The following UST variants were observed in gnomAD, a reference collection of about 807,000 sequenced individuals.
UST encodes the protein chondroitin sulfate 2-O-sulfotransferase.
Under a neutral mutation model 45.6 loss-of-function variants are expected in UST, and 21 were observed. The observed-to-expected ratio is 0.46, with a 90% CI of 0.33 to 0.66. The LOEUF (loss-of-function observed/expected upper bound fraction) is 0.66, where lower values mean the gene tolerates loss of function less well. Among genes scored for constraint, UST ranks in the 30% least tolerant of loss-of-function variants. UST has a pLI of 0.02. For synonymous variants in UST, 215 were observed against 200.6 expected, an observed-to-expected ratio of 1.07 and a Z score of -0.61; for missense variants, 463 against 512.4, an observed-to-expected ratio of 0.90 and a Z score of 0.93.
At chr6:148,945,400 G>T (rs2114928060) in intron 3 of UST, among the ~76,000 whole-genome samples, 1 of 152,288 alleles carries the variant, frequency 6.6e-6, no homozygotes, top group East Asian at 1.9e-4. Context: ...TCTCAGCAGA[G>T]CCTTTTAAAA....
At position 149,076,409 on chromosome 6, in the gene UST, A is replaced by G. The variant is rs1328260380; in HGVS notation, c.*2293A>G. On this transcript the variant is annotated 3_prime_UTR_variant, in exon 8 of 8. Coordinates refer to ENST00000367463, the MANE Select transcript of UST (RefSeq NM_005715.3). ...GACAATTGGTCGTTCAAAAACATTC[A>G]TCCTCTTACTGCAAGTTTATCTGGG... is the stretch of plus-strand genomic sequence containing the variant. 1.3e-5 allele frequency: 2 copies of G among 152,224 alleles called. No homozygotes were observed. The highest frequency in any genetic ancestry group is 2.9e-5 in the Non-Finnish European group (2 of 68,048). The allele number at this position is 152,224 out of a possible 1,614,324, so 9.4% of individuals were successfully genotyped here. A position where few individuals can be genotyped will look rare whatever the true frequency, so the allele number is the denominator to read the frequency against.
chr6:148,766,381 C>G (rs951070480), intron 1 of UST, among the ~76,000 whole-genome samples: 1 of 152,142 alleles, frequency 6.6e-6, no homozygotes, highest in Non-Finnish European at 1.5e-5. Flanking sequence ...CCCACTTGCT[C>G]TCACCCACGC....
intron 1 of UST, among the ~76,000 whole-genome samples, chr6:148,826,444 A>G (rs988413791): frequency 7.0e-6 from 1 of 143,852 alleles, no homozygotes; most frequent in African/African-American, 2.6e-5. Flanking sequence ...TTTTTTTTTT[A>G]AATGAATTAA....
rs866556189 is a variant in UST, at chr6:149,058,389, A to G, written c.938-15444A>G. Reference sequence around the variant, plus strand: ...TGTGTGTGTGTGTGTGTGTGTGTGTATGTGCGCGCGCGTGTGTCTGTGTGT... The same window carrying G: ...TGTGTGTGTGTGTGTGTGTGTGTGTGTGTGCGCGCGCGTGTGTCTGTGTGT... On this transcript the variant is annotated intron_variant, in intron 7 of 7. Transcript: ENST00000367463. Among the ~76,000 whole-genome samples the G allele has an allele frequency of 4.9e-3, 534 of 109,578 alleles. 1 individual carries two copies. The highest frequency in any genetic ancestry group is 0.013 in the African/African-American group (372 of 29,246). 71.9% of individuals were successfully genotyped at this position (109,578 alleles called of 152,430 possible). A position where few individuals can be genotyped will look rare whatever the true frequency, so the allele number is the denominator to read the frequency against.
At chr6:148,824,764 G>T (rs1452420756) in intron 1 of UST, among the ~76,000 whole-genome samples, 1 of 142,132 alleles carries the variant, frequency 7.0e-6, no homozygotes, top group East Asian at 2.1e-4. Flanking sequence ...GTGCCATGCT[G>T]GTGCGCTGCA....
At chr6:148,933,778 T>C (rs1162697946) in intron 2 of UST, among the ~76,000 whole-genome samples, 6 of 152,026 alleles carry the variant, frequency 3.9e-5, no homozygotes, top group Non-Finnish European at 7.4e-5. Flanking sequence ...GATCTCAAAA[T>C]GGGAAGCTTG....
chr6:149,032,923 A>G (rs1472989587), intron 7 of UST, among the ~76,000 whole-genome samples: 3 of 152,168 alleles, frequency 2.0e-5, no homozygotes, highest in Non-Finnish European at 4.4e-5. Flanking sequence ...AATCACTTCT[A>G]CTTTGAGCAG....
intron 1 of UST, among the ~76,000 whole-genome samples, chr6:148,786,798 G>T (rs9377159): frequency 0.75 from 114,072 of 152,130 alleles, 42,816 homozygotes; most frequent in Middle Eastern, 0.88. Context: ...CCTCTAGGTC[G>T]TTGAGGAGTC....
At position 148,747,554 on chromosome 6, in the gene UST, C is replaced by T; in HGVS notation, c.124C>T (p.Arg42Cys). The T allele has an allele frequency of 1.3e-6, 2 of 1,570,570 alleles. No homozygotes were observed. The highest frequency in any genetic ancestry group is 1.7e-6 in the Non-Finnish European group (2 of 1,160,046). ...TCGGGTGCCCCTGCTGCCTTTCCTG[C>T]GCTTCTCCCTCCGGGACTACGGCTT... ...KRRVPLLPFL[R>C]FSLRDYGFCM... Residue 42 changes from arginine (R) to cysteine (C), a missense_variant, in exon 1 of 8, where the codon CGC (arginine) becomes TGC (cysteine). Coordinates refer to ENST00000367463, the MANE Select transcript of UST (RefSeq NM_005715.3).
At chr6:148,808,261 C>T (rs1478592281) in intron 1 of UST, among the ~76,000 whole-genome samples, 1 of 152,212 alleles carries the variant, frequency 6.6e-6, no homozygotes, top group Non-Finnish European at 1.5e-5. Context: ...TACCCAGTCA[C>T]TTATGTTCTG....
chr6:149,054,909 C>A (rs56358125), intron 7 of UST, among the ~76,000 whole-genome samples: 37,074 of 151,976 alleles, frequency 0.24, 4,704 homozygotes, highest in Admixed American at 0.27. Flanking sequence ...GCAGCCTAGA[C>A]CTCCCCGGCT....
chr6:148,932,112 C>T (rs1306080120), intron 2 of UST, among the ~76,000 whole-genome samples: 1 of 152,154 alleles, frequency 6.6e-6, no homozygotes, highest in Non-Finnish European at 1.5e-5. Flanking sequence ...GAGCGCGGTG[C>T]CTCATGCCTG....
rs555638026 is a variant in UST at position 149,011,608 on chromosome 6, C to T, written c.682-7531C>T. ...GGTGGATCCCCTGAGGTCAGGAGTTCGAGACCAGCCTGGCTAACATGGCAA... is the reference window on the plus strand; with the variant it reads ...GGTGGATCCCCTGAGGTCAGGAGTTTGAGACCAGCCTGGCTAACATGGCAA... On this transcript the variant is annotated intron_variant, in intron 5 of 7. Transcript: ENST00000367463. Among the ~76,000 whole-genome samples, 31 of 152,190 alleles carry T rather than the reference C, an allele frequency of 2.0e-4. 1 individual carries two copies. The South Asian group carries it at 5.4e-3, about 27-fold the overall frequency.
At chr6:148,906,618 A>T (rs1369459010) in intron 2 of UST, among the ~76,000 whole-genome samples, 1 of 152,158 alleles carries the variant, frequency 6.6e-6, no homozygotes, top group Non-Finnish European at 1.5e-5. Context: ...ATGAAAGGTG[A>T]TAGTATAGTA....
chr6:149,014,904 G>C (rs115035570), intron 5 of UST, among the ~76,000 whole-genome samples: 1,561 of 152,276 alleles, frequency 0.01, 39 homozygotes, highest in African/African-American at 0.036. Flanking sequence ...CTGTCAATAG[G>C]AGTCCTCCAA....
At chr6:149,006,321 G>A (rs1775695045) in intron 5 of UST, among the ~76,000 whole-genome samples, 1 of 152,026 alleles carries the variant, frequency 6.6e-6, no homozygotes, top group African/African-American at 2.4e-5. Flanking sequence ...CCACTTATAA[G>A]TGAGAACATG....
chr6:148,938,986 A>T (rs1780072367), intron 2 of UST, among the ~76,000 whole-genome samples: 1 of 152,104 alleles, frequency 6.6e-6, no homozygotes, highest in South Asian at 2.1e-4. Flanking sequence ...TAAAGAATCC[A>T]CACAAAAAAA....
chr6:148,818,780 C>T (rs1777401859), intron 1 of UST, among the ~76,000 whole-genome samples: 1 of 152,106 alleles, frequency 6.6e-6, no homozygotes, highest in African/African-American at 2.4e-5. Flanking sequence ...CATTTGAGTC[C>T]ACTCAAATTG....
At chr6:148,833,643 G>T (rs1488732484) in intron 1 of UST, among the ~76,000 whole-genome samples, 4 of 152,296 alleles carry the variant, frequency 2.6e-5, no homozygotes, top group African/African-American at 7.2e-5. Context: ...TTAGGTGGAG[G>T]ACAAGCAGGT....
Sources: gnomAD v4.1 joint callset for allele counts (sites outside exome capture counted in the v4.1 genomes callset) on GRCh38, gnomAD v4.1.1 for gene constraint, MANE v1.5 for transcripts, NCBI Gene and HGNC (gene_info 2026-07-23, HGNC 2026-07-21) for gene names.